ATP2B2: variants seen among roughly 807,000 people sequenced by gnomAD.
ATP2B2 encodes plasma membrane calcium-transporting ATPase 2.
A neutral mutation model predicts 120.0 loss-of-function variants in ATP2B2; 15 were observed. That is an observed-to-expected ratio of 0.12 (90% confidence interval 0.08 to 0.19). The LOEUF (loss-of-function observed/expected upper bound fraction) is 0.19. ATP2B2 is among the 10% of genes least tolerant of loss of function. The pLI is 1.00. For synonymous variants in ATP2B2, 694 were observed against 700.3 expected (o/e 0.99, Z 0.14); for missense variants, 1,045 against 1,719.8 (o/e 0.61, Z 6.94).
chr3:10,451,986 T>C (rs2125193886), intron 1 of ATP2B2, among the ~76,000 whole-genome samples: 1 of 152,356 alleles, frequency 6.6e-6, no homozygotes, highest in Middle Eastern at 3.4e-3. Context: ...GAAAAGCACT[T>C]GGCTCCTTGT....
chr3:10,534,495 C>T (rs548121512), intron 2 of ATP2B2, among the ~76,000 whole-genome samples: 171 of 152,366 alleles, frequency 1.1e-3, no homozygotes, highest in African/African-American at 4.0e-3. Context: ...TGAGCACCTA[C>T]TACATTCCAG....
At chr3:10,472,174 A>G (rs1362550132) in intron 1 of ATP2B2, among the ~76,000 whole-genome samples, 1 of 151,172 alleles carries the variant, frequency 6.6e-6, no homozygotes, top group Non-Finnish European at 1.5e-5. Context: ...GAGGAACTGA[A>G]GCCAAGACAC....
chr3:10,329,683 G>C lies in ATP2B2; in HGVS notation c.3421-558C>G, dbSNP rs1228224496. 6.6e-6 allele frequency among the ~76,000 whole-genome samples: 1 copy of C among 152,174 alleles called. No individual in the cohort carries two copies. Among genetic ancestry groups the C allele is most frequent in the Non-Finnish European group, 1.5e-5 (1 of 68,038 alleles). On this transcript the variant is annotated intron_variant, in intron 22 of 22. Coordinates refer to ENST00000360273, the MANE Select transcript of ATP2B2 (RefSeq NM_001001331.4). This position sits in a 1 kb window ranked among gnomAD's most constrained non-coding sequence, Gnocchi z 5.9. ...GAGTTGGGATGAGAGAGACACATGA[G>C]GGCCAAACAGAACGGGAACATCAAA...
rs537738389 is a variant in ATP2B2 at position 10,607,862 on chromosome 3, A to G, written c.-415+12055T>C. Among the ~76,000 whole-genome samples the G allele has an allele frequency of 2.0e-5, 3 of 152,290 alleles. No homozygotes were observed. The South Asian group carries it at 6.2e-4, about 32-fold the overall frequency. On this transcript the variant is annotated intron_variant, in intron 2 of 21. Coordinates refer to the ATP2B2 transcript ENST00000646379. ...ACCAGGGTTTACCATGAAGCTTGCT[A>G]GGGCAGGGGTCTAGGGGGGTGATAC...
chr3:10,391,981 T>C (rs1480952500), intron 5 of ATP2B2, among the ~76,000 whole-genome samples: 1 of 152,048 alleles, frequency 6.6e-6, no homozygotes, highest in African/African-American at 2.4e-5. Flanking sequence ...TTCCCTCACC[T>C]CTTGCTCACA....
intron 1 of ATP2B2, among the ~76,000 whole-genome samples, chr3:10,467,814 G>T (rs60841049): frequency 0.091 from 13,825 of 152,096 alleles, 960 homozygotes; most frequent in African/African-American, 0.2. Flanking sequence ...AGATGAGCGT[G>T]AGAGCAGCAA....
chr3:10,697,354 G>A (rs1279579627), intron 1 of ATP2B2, among the ~76,000 whole-genome samples: 1 of 152,114 alleles, frequency 6.6e-6, no homozygotes, highest in Non-Finnish European at 1.5e-5. Context: ...CCTCCTGGCT[G>A]TGTGACTTTG....
intron 2 of ATP2B2, among the ~76,000 whole-genome samples, chr3:10,599,373 T>C (rs1160565051): frequency 6.6e-6 from 1 of 152,194 alleles, no homozygotes. Flanking sequence ...GGTAGACTCC[T>C]GCTCATGCTC....
At chr3:10,436,895 G>A (rs912226297) in intron 2 of ATP2B2, among the ~76,000 whole-genome samples, 4 of 148,050 alleles carry the variant, frequency 2.7e-5, no homozygotes, top group Non-Finnish European at 4.5e-5. Context: ...ATCTGTCTTC[G>A]TGGAGGTGTT....
At chr3:10,397,427 C>G (rs889096640) in intron 5 of ATP2B2, among the ~76,000 whole-genome samples, 1 of 152,130 alleles carries the variant, frequency 6.6e-6, no homozygotes, top group Non-Finnish European at 1.5e-5. Context: ...TTGTGCAGTG[C>G]AAAACTCAAA....
At chr3:10,698,545 T>C (rs2071772972) in intron 1 of ATP2B2, among the ~76,000 whole-genome samples, 1 of 152,230 alleles carries the variant, frequency 6.6e-6, no homozygotes, top group South Asian at 2.1e-4. Context: ...GACAATGACC[T>C]GCAGAACATC....
chr3:10,512,464 GCA>G (rs6147706), intron 3 of ATP2B2, among the ~76,000 whole-genome samples: 17,400 of 135,902 alleles, frequency 0.13, 1,339 homozygotes, highest in Admixed American at 0.19. Context: ...AAGTGTGTGC[GCA>G]CACACACACA....
intron 1 of ATP2B2, among the ~76,000 whole-genome samples, chr3:10,493,626 C>T (rs772258569): frequency 9.9e-5 from 15 of 152,268 alleles, no homozygotes; most frequent in African/African-American, 1.2e-4. Flanking sequence ...GAAGAACAGA[C>T]GATTGAAAGG....
At chr3:10,429,503 G>A (rs2063245790) in intron 2 of ATP2B2, among the ~76,000 whole-genome samples, 1 of 151,878 alleles carries the variant, frequency 6.6e-6, no homozygotes, top group African/African-American at 2.4e-5. Flanking sequence ...AACCGTTTTG[G>A]GGCACCACAA....
At chr3:10,600,276 G>A (rs2068872573) in intron 2 of ATP2B2, among the ~76,000 whole-genome samples, 1 of 152,202 alleles carries the variant, frequency 6.6e-6, no homozygotes, top group Admixed American at 6.5e-5. Context: ...AAGGAGAGCT[G>A]GCACCTTACA....
chr3:10,439,933 C>G (rs2063604223), intron 2 of ATP2B2, among the ~76,000 whole-genome samples: 2 of 151,142 alleles, frequency 1.3e-5, no homozygotes, highest in South Asian at 4.2e-4. Context: ...TTTTGAAACC[C>G]TGTTTCTACA....
intron 5 of ATP2B2, among the ~76,000 whole-genome samples, chr3:10,391,884 T>A (rs913764605): frequency 6.6e-6 from 1 of 152,228 alleles, no homozygotes; most frequent in Non-Finnish European, 1.5e-5. Flanking sequence ...TCCTGTCTCG[T>A]GGCCTCTGCC....
intron 2 of ATP2B2, among the ~76,000 whole-genome samples, chr3:10,426,707 T>C (rs2063156452): frequency 6.6e-6 from 1 of 152,150 alleles, no homozygotes; most frequent in Non-Finnish European, 1.5e-5. Context: ...GTTGGTGAAA[T>C]CCAGTATCAG....
chr3:10,594,794 A>G (rs994118381), intron 2 of ATP2B2, among the ~76,000 whole-genome samples: 1 of 152,178 alleles, frequency 6.6e-6, no homozygotes, highest in Non-Finnish European at 1.5e-5. Flanking sequence ...ATTTTATTAG[A>G]TTACTTCAAT....
Sources: allele counts gnomAD v4.1 joint callset (sites outside exome capture counted in the v4.1 genomes callset), GRCh38; gene constraint gnomAD v4.1.1; non-coding constraint Gnocchi (gnomAD v3.1); transcripts MANE v1.5; gene names NCBI Gene and HGNC (gene_info 2026-07-23, HGNC 2026-07-21).